The following NUP98 variants were observed in gnomAD, a reference collection of about 807,000 sequenced individuals.
NUP98 encodes nucleoporin 98 and 96 precursor.
NUP98 carries 26 observed loss-of-function variants against 191.9 expected under a neutral mutation model. The ratio of observed to expected loss-of-function variants is 0.14; its 90% CI spans 0.10 to 0.19. The LOEUF (loss-of-function observed/expected upper bound fraction) is 0.19, where lower values mean the gene tolerates loss of function less well. NUP98 is among the 10% of genes least tolerant of loss of function. The pLI, the probability that NUP98 is intolerant of heterozygous loss-of-function variation, is 1.00. For missense variants in NUP98, 1,941 were observed against 2,178.8 expected, an observed-to-expected ratio of 0.89 and a Z score of 2.17; for synonymous variants, 808 against 778.4, an observed-to-expected ratio of 1.04 and a Z score of -0.63.
At position 3,684,766 on chromosome 11, in the gene NUP98, C is replaced by CAAAAAAAA. The variant is rs71041370; in HGVS notation, c.4676+1199_4676+1206dup. Among the ~76,000 whole-genome samples the CAAAAAAAA allele has an allele frequency of 4.9e-4, 50 of 101,806 alleles. 1 individual carries two copies. The highest frequency in any genetic ancestry group is 1.0e-3 in the South Asian group (3 of 2,972). The allele number at this position is 101,806 out of a possible 152,430, so 66.8% of individuals were successfully genotyped here. On this transcript the variant is annotated intron_variant, in intron 29 of 32. Coordinates refer to ENST00000324932, the MANE Select transcript of NUP98 (RefSeq NM_016320.5). ...AAACTAATGTTATGCTTTCACAGGC[C>CAAAAAAAA]AAAAAAAAAAAAAAAAAAAAAAAAA...
chr11:3,740,502 G>A (rs2080241485), intron 12 of NUP98, among the ~76,000 whole-genome samples: 1 of 150,082 alleles, frequency 6.7e-6, no homozygotes, highest in African/African-American at 2.5e-5. Context: ...TGGGGAGAGA[G>A]CAAGACTCTG....
intron 22 of NUP98, among the ~76,000 whole-genome samples, chr11:3,704,832 T>C (rs573454685): frequency 6.6e-6 from 1 of 152,162 alleles, no homozygotes; most frequent in Non-Finnish European, 1.5e-5. Flanking sequence ...GATAGCAAGA[T>C]CCATCTCTAT....
Position 3,782,133 on chromosome 11 carries a change from T to C in NUP98, c.-16A>G, listed in dbSNP as rs550260477. 41 of 1,584,906 alleles carry C rather than the reference T, an allele frequency of 2.6e-5. 1 individual carries two copies. In the African/African-American group the frequency reaches 2.8e-4, roughly 11 times the overall value. On this transcript the variant is annotated 5_prime_UTR_variant, in exon 2 of 33. Coordinates refer to ENST00000324932, the MANE Select transcript of NUP98 (RefSeq NM_016320.5). ...TGTTAAACATCTTCAAAATGAGTCT[T>C]TGTTTCAGAAAGCTGGGAAAAAGAA...
At chr11:3,722,826 A>C (rs543644022) in intron 16 of NUP98, among the ~76,000 whole-genome samples, 1 of 152,230 alleles carries the variant, frequency 6.6e-6, no homozygotes, top group Admixed American at 6.5e-5. Context: ...AAAACAAACA[A>C]ACAAACAAAA....
Position 3,771,899 on chromosome 11 carries a change from G to T in NUP98, c.633C>A (p.Asn211Lys). ...CCACCTGGTTCTGTGGGCCCTTCCT[G>T]TTAGCCTGATAATCCTCTAAACGAA... ...EELRLEDYQA[N>K]RKGPQNQVGA... The change falls in exon 7 of 33, where the codon AAC becomes AAA. Residue 211 changes from asparagine to lysine, a missense_variant. Asn to Lys is a moderately conservative substitution (Grantham distance 94). This residue lies in a region of NUP98 where 28 missense variants were observed against 74.0 expected (regional missense o/e 0.38). Coordinates refer to ENST00000324932, the MANE Select transcript of NUP98 (RefSeq NM_016320.5). 1 of 1,614,054 alleles carries T rather than the reference G, an allele frequency of 6.2e-7. No individual in the cohort carries two copies. The highest frequency in any genetic ancestry group is 8.5e-7 in the Non-Finnish European group (1 of 1,180,014).
Position 3,761,566 on chromosome 11 carries a change from T to C in NUP98, c.1087-940A>G, listed in dbSNP as rs146149872. The stretch of plus-strand genomic sequence containing the variant: ...CGAGGTCAGGAGTTCGAGACCAGCC[T>C]GGCCACCATGGTGAAACCCCATTCT... On this transcript the variant is annotated intron_variant, in intron 9 of 32. Transcript: ENST00000324932. 6.3e-3 allele frequency among the ~76,000 whole-genome samples: 965 copies of C among 152,250 alleles called. 11 individuals are homozygous for C. Among genetic ancestry groups the C allele is most frequent in the African/African-American group, 0.022 (915 of 41,556 alleles).
chr11:3,721,674 G>A (rs1403555169), intron 16 of NUP98, among the ~76,000 whole-genome samples: 5 of 151,858 alleles, frequency 3.3e-5, no homozygotes, highest in Admixed American at 3.3e-4. Flanking sequence ...ACTCCAGCCT[G>A]GGCAACCAAG....
intron 8 of NUP98, among the ~76,000 whole-genome samples, chr11:3,766,245 C>T (rs1454811937): frequency 6.6e-6 from 1 of 152,086 alleles, no homozygotes; most frequent in Non-Finnish European, 1.5e-5. Flanking sequence ...CATGGTGGTG[C>T]ACGCCTGTAG....
In NUP98 at chr11:3,723,460, A is replaced by G; in HGVS notation, c.1848-5T>C. On this transcript the variant is annotated splice_region_variant and splice_polypyrimidine_tract_variant and intron_variant, in intron 15 of 32. Coordinates refer to ENST00000324932, the MANE Select transcript of NUP98 (RefSeq NM_016320.5). Reference sequence around the variant, plus strand: ...GGTTTGCTTAGGAAACTAAATCTGCAAAGGAAAAGAAATAATACCTTAGCC... The same window carrying G: ...GGTTTGCTTAGGAAACTAAATCTGCGAAGGAAAAGAAATAATACCTTAGCC... The G allele has an allele frequency of 6.2e-7, 1 of 1,611,268 alleles. No homozygotes were observed. Among genetic ancestry groups the G allele is most frequent in the Non-Finnish European group, 8.5e-7 (1 of 1,177,794 alleles).
At chr11:3,681,073 G>A (rs978168635) in intron 30 of NUP98, among the ~76,000 whole-genome samples, 9 of 152,102 alleles carry the variant, frequency 5.9e-5, no homozygotes, top group African/African-American at 1.9e-4. Context: ...AGGGTCTCAC[G>A]GTGTTGCCCA....
intron 11 of NUP98, among the ~76,000 whole-genome samples, chr11:3,746,731 G>A (rs1489870878): frequency 1.3e-5 from 2 of 151,740 alleles, no homozygotes; most frequent in Admixed American, 6.6e-5. Flanking sequence ...TGACAAACAT[G>A]GAGAAACCCT....
intron 1 of NUP98, among the ~76,000 whole-genome samples, chr11:3,783,219 C>G (rs1476989100): frequency 6.6e-6 from 1 of 152,012 alleles, no homozygotes; most frequent in Admixed American, 6.6e-5. Flanking sequence ...TGGTGAAACC[C>G]TGTCTACAAA....
In NUP98 at chr11:3,737,471, G is replaced by GA. The variant is rs771510582; in HGVS notation, c.1409-2148dup. 2.6e-5 allele frequency among the ~76,000 whole-genome samples: 4 copies of GA among 152,000 alleles called. No individual in the cohort carries two copies. The East Asian group carries it at 7.7e-4, about 29-fold the overall frequency. On this transcript the variant is annotated intron_variant, in intron 12 of 32. Transcript: ENST00000324932. ...AAACCCTGTCTCTACTAACAAAATA[G>GA]AAAAAATTAGCCAGGCATGGTGGTG...
At chr11:3,774,769 C>T (rs2081654168) in intron 5 of NUP98, among the ~76,000 whole-genome samples, 1 of 152,006 alleles carries the variant, frequency 6.6e-6, no homozygotes, top group Admixed American at 6.6e-5. Context: ...GAAAAAGGCA[C>T]AATAAGTAAA....
chr11:3,796,572 C>A (rs2082591914), intron 1 of NUP98, among the ~76,000 whole-genome samples: 2 of 152,234 alleles, frequency 1.3e-5, no homozygotes. Context: ...ACGGAAAACG[C>A]TGTGAAGACT....
At chr11:3,681,777 T>G (rs1211258489) in intron 30 of NUP98, among the ~76,000 whole-genome samples, 1 of 152,192 alleles carries the variant, frequency 6.6e-6, no homozygotes, top group Non-Finnish European at 1.5e-5. Context: ...GAATGGTAAA[T>G]GAGCTTCTGC....
chr11:3,724,336 G>C (rs1252551585), intron 15 of NUP98, among the ~76,000 whole-genome samples: 1 of 151,660 alleles, frequency 6.6e-6, no homozygotes, highest in Non-Finnish European at 1.5e-5. Flanking sequence ...TCAGGAGGCT[G>C]AGGCAGGAGA....
chr11:3,719,167 T>C (rs555356787), intron 18 of NUP98, among the ~76,000 whole-genome samples: 1 of 151,106 alleles, frequency 6.6e-6, no homozygotes, highest in East Asian at 1.9e-4. Flanking sequence ...TGAAATAAAA[T>C]AGAATAGAAT....
chr11:3,745,446 A>G (rs1012736487), intron 11 of NUP98, among the ~76,000 whole-genome samples: 1 of 152,188 alleles, frequency 6.6e-6, no homozygotes, highest in Non-Finnish European at 1.5e-5. Flanking sequence ...AGGAAAACCC[A>G]TTGTAGAAAC....
Sources: allele counts gnomAD v4.1 joint callset (sites outside exome capture counted in the v4.1 genomes callset), GRCh38; gene constraint gnomAD v4.1.1; regional missense constraint gnomAD v4.1.1; transcripts MANE v1.5; gene names NCBI Gene and HGNC (gene_info 2026-07-23, HGNC 2026-07-21).